The following TCF12 variants were observed in gnomAD, a reference collection of about 807,000 sequenced individuals.
The protein encoded by TCF12 is DNA-binding protein HTF4.
In TCF12, 45 loss-of-function variants were observed where a neutral mutation model predicts 86.0. That is an observed-to-expected ratio of 0.52 (90% CI 0.41 to 0.67). TCF12 has a LOEUF of 0.67. Ranked by LOEUF, TCF12 falls within the 30% of genes least tolerant of loss-of-function variation. TCF12 has a pLI of 0.00. For synonymous variants in TCF12, 330 were observed against 299.6 expected (o/e 1.10, Z -1.05); for missense variants, 881 against 859.9 (o/e 1.02, Z -0.31).
At chr15:57,000,051 C>T (rs1436012588) in intron 3 of TCF12, among the ~76,000 whole-genome samples, 1 of 151,526 alleles carries the variant, frequency 6.6e-6, no homozygotes, top group Non-Finnish European at 1.5e-5. Flanking sequence ...TTCTCTTGTT[C>T]ATAACTAGGA....
intron 3 of TCF12, among the ~76,000 whole-genome samples, chr15:57,033,728 C>T (rs1287685274): frequency 1.3e-5 from 2 of 152,078 alleles, no homozygotes; most frequent in Non-Finnish European, 2.9e-5. Flanking sequence ...AAATTATTAG[C>T]TTTCTTGCTT....
intron 3 of TCF12, among the ~76,000 whole-genome samples, chr15:56,953,614 G>A (rs1160313606): frequency 1.3e-5 from 2 of 151,912 alleles, no homozygotes; most frequent in Non-Finnish European, 2.9e-5. Context: ...CCAGAGCCAC[G>A]TTCTTTAGAT....
intron 18 of TCF12, among the ~76,000 whole-genome samples, chr15:57,265,871 C>T (rs1018780324): frequency 6.6e-6 from 1 of 152,118 alleles, no homozygotes; most frequent in Non-Finnish European, 1.5e-5. Context: ...TGTGCTGCAG[C>T]CTTACCACAG....
At chr15:57,018,970 A>C (rs1377234942) in intron 3 of TCF12, among the ~76,000 whole-genome samples, 3 of 152,186 alleles carry the variant, frequency 2.0e-5, no homozygotes, top group African/African-American at 7.2e-5. Flanking sequence ...TGGACTGACT[A>C]AGGCTTACGA....
At chr15:57,141,424 A>G (rs1428439835) in intron 5 of TCF12, among the ~76,000 whole-genome samples, 2 of 152,166 alleles carry the variant, frequency 1.3e-5, no homozygotes, top group Non-Finnish European at 2.9e-5. Flanking sequence ...ATCTCAGCTC[A>G]CTGCAACCTC....
chr15:57,178,033 C>T (rs1597094553), intron 6 of TCF12, among the ~76,000 whole-genome samples: 2 of 152,056 alleles, frequency 1.3e-5, no homozygotes, highest in African/African-American at 4.8e-5. Flanking sequence ...TTTATTCTTT[C>T]GTAAACTTAT....
intron 5 of TCF12, among the ~76,000 whole-genome samples, chr15:57,155,159 T>TA (rs1180371604): frequency 2.0e-5 from 3 of 152,178 alleles, no homozygotes; most frequent in African/African-American, 7.2e-5. Context: ...CTCTCTAATT[T>TA]ACTGTTACAG....
At chr15:57,035,455 C>T (rs1052014909) in intron 3 of TCF12, among the ~76,000 whole-genome samples, 4 of 152,022 alleles carry the variant, frequency 2.6e-5, no homozygotes, top group African/African-American at 7.2e-5. Flanking sequence ...TTTGTAGAGA[C>T]GGGATCTCAC....
intron 4 of TCF12, among the ~76,000 whole-genome samples, chr15:57,069,332 C>T (rs1479285775): frequency 6.6e-6 from 1 of 152,046 alleles, no homozygotes; most frequent in Non-Finnish European, 1.5e-5. Context: ...TATATGTAAT[C>T]TATTATGGTA....
At chr15:57,223,659 T>TTTTTTTTG (rs2058726742) in intron 8 of TCF12, among the ~76,000 whole-genome samples, 1 of 144,418 alleles carries the variant, frequency 6.9e-6, no homozygotes, top group Non-Finnish European at 1.5e-5. Context: ...TTTTTTTTTT[T>TTTTTTTTG]TTTTTTTTTT....
chr15:57,268,003 GT>G (rs1289712403), intron 18 of TCF12, among the ~76,000 whole-genome samples: 2 of 152,314 alleles, frequency 1.3e-5, no homozygotes, highest in African/African-American at 2.4e-5. Context: ...TACTGTTACA[GT>G]GGTAGTGTTA....
intron 3 of TCF12, among the ~76,000 whole-genome samples, chr15:57,019,995 T>G (rs559473544): frequency 6.6e-6 from 1 of 152,298 alleles, no homozygotes; most frequent in South Asian, 2.1e-4. Context: ...ACTTGGCCTA[T>G]ATCCAGGAAT....
chr15:56,969,458 G>A lies in TCF12; in HGVS notation c.148+48360G>A, dbSNP rs78986730. Among the ~76,000 whole-genome samples, 518 of 151,568 alleles carry A rather than the reference G, an allele frequency of 3.4e-3. 3 individuals carry two copies. Among genetic ancestry groups the A allele is most frequent in the Non-Finnish European group, 5.8e-3 (395 of 67,904 alleles). ...AGAATGAAGAAAACTGGAGGAACAG[G>A]TTTTGGTTTCTTTTTTGAGACATAT... On this transcript the variant is annotated intron_variant, in intron 3 of 20. Coordinates refer to ENST00000333725, the MANE Select transcript of TCF12 (RefSeq NM_207037.2).
intron 5 of TCF12, among the ~76,000 whole-genome samples, chr15:57,134,920 C>T (rs1238633294): frequency 6.6e-6 from 1 of 151,324 alleles, no homozygotes; most frequent in Non-Finnish European, 1.5e-5. Flanking sequence ...TGCACCCCCA[C>T]ATTCCTCCTC....
intron 3 of TCF12, among the ~76,000 whole-genome samples, chr15:57,058,160 C>T (rs1040915599): frequency 5.3e-5 from 8 of 152,168 alleles, no homozygotes; most frequent in African/African-American, 1.4e-4. Flanking sequence ...ATTCCCAAGT[C>T]GACCCCTGGG....
intron 19 of TCF12, 105 bp downstream of exon 19, chr15:57,273,367 A>C: frequency 4.3e-6 from 5 of 1,170,894 alleles, no homozygotes; most frequent in Non-Finnish European, 4.9e-6. Flanking sequence ...TATTTCTCCC[A>C]GTACTTCTTC....
At chr15:57,203,097 ATGACTGCATGGTAAAT>A (rs1356705061) in intron 8 of TCF12, among the ~76,000 whole-genome samples, 1 of 152,246 alleles carries the variant, frequency 6.6e-6, no homozygotes, top group African/African-American at 2.4e-5. Flanking sequence ...CTGGCACCTA[ATGACTGCATGGTAAAT>A]TGTAGCAGTT....
At chr15:57,243,229 C>G (rs1274617598) in intron 12 of TCF12, among the ~76,000 whole-genome samples, 2 of 152,088 alleles carry the variant, frequency 1.3e-5, no homozygotes, top group African/African-American at 4.8e-5. Flanking sequence ...TTATTTTCAC[C>G]TAGAATAATA....
At chr15:56,943,528 C>T (rs1270002423) in intron 3 of TCF12, among the ~76,000 whole-genome samples, 1 of 152,162 alleles carries the variant, frequency 6.6e-6, no homozygotes, top group Non-Finnish European at 1.5e-5. Flanking sequence ...ACATACTCTT[C>T]ATAATAACTC....
Sources: allele counts gnomAD v4.1 joint callset (sites outside exome capture counted in the v4.1 genomes callset), GRCh38; gene constraint gnomAD v4.1.1; transcripts MANE v1.5; gene names NCBI Gene and HGNC (gene_info 2026-07-23, HGNC 2026-07-21).